The following SF3B3 variants were observed in gnomAD, a reference collection of about 807,000 sequenced individuals.
The protein encoded by SF3B3 is splicing factor 3b subunit 3.
Under a neutral mutation model 139.2 loss-of-function variants are expected in SF3B3, and 33 were observed. That is an observed-to-expected ratio of 0.24 (90% CI 0.18 to 0.32). SF3B3 has a LOEUF of 0.32. Among genes scored for constraint, SF3B3 ranks in the 10% least tolerant of loss-of-function variants. SF3B3 has a pLI of 1.00. For synonymous variants in SF3B3, 596 were observed against 563.6 expected (o/e 1.06, Z -0.81); for missense variants, 818 against 1,509.4 (o/e 0.54, Z 7.59).
At chr16:70,564,824 T>C (rs1015019890) in intron 18 of SF3B3, among the ~76,000 whole-genome samples, 1 of 152,190 alleles carries the variant, frequency 6.6e-6, no homozygotes, top group Non-Finnish European at 1.5e-5. Flanking sequence ...CTATTGTTAT[T>C]TTTGGTGTTT....
chr16:70,535,620 G>A (rs1365245114), intron 6 of SF3B3, among the ~76,000 whole-genome samples, 200 bp downstream of exon 6: 1 of 152,078 alleles, frequency 6.6e-6, no homozygotes, highest in Non-Finnish European at 1.5e-5. Context: ...CTTAGAAAGG[G>A]AATTAAAACT....
At chr16:70,534,244 C>A (rs1208030138) in intron 5 of SF3B3, among the ~76,000 whole-genome samples, 1 of 151,976 alleles carries the variant, frequency 6.6e-6, no homozygotes, top group East Asian at 1.9e-4. Context: ...TTTACAAAAG[C>A]CTAAATACAA....
intron 15 of SF3B3, among the ~76,000 whole-genome samples, chr16:70,559,556 TCA>T (rs2050409306): frequency 2.0e-5 from 3 of 152,182 alleles, no homozygotes; most frequent in African/African-American, 7.2e-5. Flanking sequence ...GAATGGTGGC[TCA>T]TGCCTGTAGT....
At chr16:70,557,205 G>T (rs962255117) in intron 15 of SF3B3, among the ~76,000 whole-genome samples, 176 bp downstream of exon 15, 2 of 152,152 alleles carry the variant, frequency 1.3e-5, no homozygotes, top group Non-Finnish European at 2.9e-5. Context: ...AACAAATCAG[G>T]CTGAGAAAGA....
chr16:70,550,586 C>T (rs1480070918), intron 11 of SF3B3: 1 of 865,656 alleles, frequency 1.2e-6, no homozygotes, highest in Non-Finnish European at 1.4e-6. Context: ...CAGGCAAATA[C>T]TAACCTTGGC....
chr16:70,525,268 C>G (rs1033685440), intron 1 of SF3B3, among the ~76,000 whole-genome samples: 4 of 152,014 alleles, frequency 2.6e-5, no homozygotes, highest in Non-Finnish European at 5.9e-5. Flanking sequence ...CTCAAGTGAC[C>G]CATTTGCCTC....
intron 6 of SF3B3, among the ~76,000 whole-genome samples, chr16:70,537,268 A>G (rs1424768543): frequency 1.3e-5 from 2 of 152,208 alleles, no homozygotes; most frequent in Non-Finnish European, 2.9e-5. Context: ...TATCTGATTG[A>G]GACATTAAAT....
At chr16:70,570,223 A>C in intron 24 of SF3B3, 74 bp downstream of exon 24, 1 of 1,390,554 alleles carries the variant, frequency 7.2e-7, no homozygotes. Context: ...TAAGAGGTCA[A>C]ATTCATTTGT....
intron 14 of SF3B3, 131 bp downstream of exon 14, chr16:70,556,465 C>G: frequency 2.1e-6 from 2 of 933,550 alleles, no homozygotes; most frequent in South Asian, 3.1e-5. Flanking sequence ...GAATCCATAC[C>G]TGCTGCTTCT....
intron 23 of SF3B3, 49 bp from the exon 24 acceptor site, chr16:70,569,957 G>T (rs1276678679): frequency 6.2e-7 from 1 of 1,610,160 alleles, no homozygotes; most frequent in South Asian, 1.1e-5. Context: ...GGGAGTCCAG[G>T]GAGGCTCCTG....
intron 11 of SF3B3, among the ~76,000 whole-genome samples, chr16:70,552,642 C>T (rs573954381): frequency 6.6e-6 from 1 of 152,166 alleles, no homozygotes; most frequent in Non-Finnish European, 1.5e-5. Context: ...GAAATTGAAC[C>T]TTTACTCTGT....
rs751128288 is a variant in SF3B3 at position 70,554,528 on chromosome 16, T to A, written c.1485T>A (p.Thr495=). 1.3e-5 allele frequency: 21 copies of A among 1,614,200 alleles called. No homozygotes were observed. The Admixed American group carries it at 3.5e-4, about 27-fold the overall frequency. ...LSIGETVEEV[T]DSGFLGTTPT... Reference sequence around the variant, plus strand: ...TTGGAGAAACTGTAGAAGAAGTGACTGACTCTGGGTTCCTGGGGACCACCC... The same window carrying A: ...TTGGAGAAACTGTAGAAGAAGTGACAGACTCTGGGTTCCTGGGGACCACCC... Residue 495 remains threonine, a synonymous_variant, in exon 12 of 26, where the codon ACT becomes ACA. Coordinates refer to ENST00000302516, the MANE Select transcript of SF3B3 (RefSeq NM_012426.5).
chr16:70,529,255 C>T, intron 3 of SF3B3, 56 bp downstream of exon 3: 2 of 1,428,808 alleles, frequency 1.4e-6, no homozygotes, highest in Non-Finnish European at 9.7e-7. Flanking sequence ...CAATGCTGTG[C>T]TCTTGGTGGT....
At chr16:70,569,956 G>C (rs748719605) in intron 23 of SF3B3, 50 bp from the exon 24 acceptor site, 1 of 1,609,982 alleles carries the variant, frequency 6.2e-7, no homozygotes, top group South Asian at 1.1e-5. Context: ...TGGGAGTCCA[G>C]GGAGGCTCCT....
At chr16:70,561,431 G>A (rs763630126) in intron 16 of SF3B3, 199 bp from the exon 17 acceptor site, 11 of 570,352 alleles carry the variant, frequency 1.9e-5, no homozygotes, top group African/African-American at 5.6e-5. Context: ...CATATGGCTC[G>A]TAGCCCATGC....
intron 6 of SF3B3, among the ~76,000 whole-genome samples, chr16:70,536,324 C>T (rs1237891652): frequency 6.6e-6 from 1 of 151,958 alleles, no homozygotes; most frequent in Non-Finnish European, 1.5e-5. Flanking sequence ...TGCACTGCCA[C>T]ACCTGGCTAA....
intron 11 of SF3B3, among the ~76,000 whole-genome samples, chr16:70,552,440 T>C (rs1268806601): frequency 2.0e-5 from 3 of 152,252 alleles, no homozygotes; most frequent in African/African-American, 7.2e-5. Flanking sequence ...TTTGGTTTTG[T>C]TGAAAGCTAC....
chr16:70,527,144 G>C (rs2050072006), intron 2 of SF3B3: 1 of 167,264 alleles, frequency 6.0e-6, no homozygotes, highest in African/African-American at 2.4e-5. Context: ...TGCTTGAAGA[G>C]ATAGAACTTT....
intron 9 of SF3B3, among the ~76,000 whole-genome samples, chr16:70,543,403 C>G (rs1290588558): frequency 3.2e-5 from 4 of 125,966 alleles, no homozygotes; most frequent in Admixed American, 2.6e-4. Flanking sequence ...AGCGAAACCC[C>G]GTCTCAAAAA....
Sources: gnomAD v4.1 joint callset for allele counts (sites outside exome capture counted in the v4.1 genomes callset) on GRCh38, gnomAD v4.1.1 for gene constraint, MANE v1.5 for transcripts, NCBI Gene and HGNC (gene_info 2026-07-23, HGNC 2026-07-21) for gene names.